CACNA1A: variants seen among roughly 807,000 people sequenced by gnomAD.
CACNA1A encodes calcium voltage-gated channel subunit alpha1 A.
Under a neutral mutation model 262.4 loss-of-function variants are expected in CACNA1A, and 57 were observed. That is an observed-to-expected ratio of 0.22 (90% CI 0.18 to 0.27). CACNA1A has a LOEUF of 0.27. Ranked by LOEUF, CACNA1A falls within the 10% of genes least tolerant of loss-of-function variation. The pLI is 1.00. For synonymous variants in CACNA1A, 1,431 were observed against 1,419.3 expected (o/e 1.01, Z -0.18); for missense variants, 2,526 against 3,562.8 (o/e 0.71, Z 7.41).
In CACNA1A at chr19:13,214,182, T is replaced by C; in HGVS notation, c.5940+51A>G. On this transcript the variant is annotated intron_variant, in intron 40 of 46. Transcript: ENST00000360228. The surrounding 1 kb of genome is among the most constrained non-coding windows in gnomAD (Gnocchi z 4.1). Reference sequence around the variant, plus strand: ...ATTCCAGTTGGTTCCCGTGGTGACATGCAAGCCACTGTCCCCAGCCCAGAT... The same window carrying C: ...ATTCCAGTTGGTTCCCGTGGTGACACGCAAGCCACTGTCCCCAGCCCAGAT... The C allele has an allele frequency of 6.9e-7, 1 of 1,455,730 alleles. No homozygotes were observed. Among genetic ancestry groups the C allele is most frequent in the Non-Finnish European group, 9.4e-7 (1 of 1,061,544 alleles). 90.2% of individuals were successfully genotyped at this position (1,455,730 alleles called of 1,614,324 possible).
chr19:13,482,223 C>T (rs1322649006), intron 1 of CACNA1A, among the ~76,000 whole-genome samples: 1 of 152,146 alleles, frequency 6.6e-6, no homozygotes, highest in Non-Finnish European at 1.5e-5. Context: ...CGGTGGCTCA[C>T]GTCTGTAATC....
chr19:13,461,491 C>T (rs547786677), intron 1 of CACNA1A, among the ~76,000 whole-genome samples: 7 of 152,314 alleles, frequency 4.6e-5, no homozygotes, highest in South Asian at 4.1e-4. Context: ...CACAATGAAA[C>T]CCCCTGAAAT....
intron 3 of CACNA1A, among the ~76,000 whole-genome samples, chr19:13,381,291 G>A (rs1228488873): frequency 2.6e-5 from 4 of 152,180 alleles, no homozygotes; most frequent in African/African-American, 7.2e-5. Context: ...CCAGCTACTC[G>A]GGAGGCTGTT....
chr19:13,229,936 A>C (rs183402044), intron 36 of CACNA1A, 146 bp downstream of exon 36: 2 of 887,636 alleles, frequency 2.3e-6, no homozygotes, highest in Admixed American at 5.8e-5. Context: ...GATGATTCTT[A>C]TATCTTCTCT....
chr19:13,303,715 T>C, intron 16 of CACNA1A, 52 bp downstream of exon 16: 1 of 1,557,672 alleles, frequency 6.4e-7, no homozygotes, highest in Admixed American at 1.7e-5. Flanking sequence ...CTGCAACCTC[T>C]CCTCTGCCAG....
chr19:13,334,312 A>C, intron 8 of CACNA1A, 66 bp downstream of exon 8: 1 of 900,446 alleles, frequency 1.1e-6, no homozygotes, highest in Non-Finnish European at 1.9e-6. Context: ...TCCAAACTGC[A>C]TGACTCTCTT....
intron 38 of CACNA1A, among the ~76,000 whole-genome samples, chr19:13,215,630 T>G (rs543410603): frequency 6.6e-6 from 1 of 151,540 alleles, no homozygotes; most frequent in African/African-American, 2.4e-5. Flanking sequence ...TGTTTTTTTT[T>G]TTTTTTTGAC....
intron 5 of CACNA1A, chr19:13,362,194 A>C (rs2059123424): frequency 6.6e-6 from 1 of 151,870 alleles, no homozygotes; most frequent in Non-Finnish European, 1.5e-5. Context: ...ACTCATGGCT[A>C]ATTTTTAAAT....
At chr19:13,302,298 T>C (rs1850695593) in intron 17 of CACNA1A, among the ~76,000 whole-genome samples, 1 of 152,222 alleles carries the variant, frequency 6.6e-6, no homozygotes. Flanking sequence ...TTATCTTGTT[T>C]CTTGTCTGTC....
chr19:13,209,288 C>T, intron 45 of CACNA1A, 24 bp downstream of exon 45: 1 of 1,436,064 alleles, frequency 7.0e-7, no homozygotes, highest in South Asian at 1.5e-5. Flanking sequence ...TCTGCTTGTC[C>T]CTGAGCACCA....
intron 5 of CACNA1A, 179 bp downstream of exon 5, chr19:13,365,138 C>G (rs141854024): frequency 1.0e-5 from 5 of 491,554 alleles, no homozygotes; most frequent in African/African-American, 7.7e-5. Flanking sequence ...TGGAACCCCA[C>G]CCCTTTCAAC....
intron 28 of CACNA1A, chr19:13,256,977 G>C (rs2056589464): frequency 5.9e-6 from 1 of 170,196 alleles, no homozygotes; most frequent in Admixed American, 5.9e-5. Context: ...TTTTTCATCT[G>C]GAGCATCTCA....
chr19:13,236,369 C>G lies in CACNA1A; in HGVS notation c.4951-639G>C. On this transcript the variant is annotated intron_variant, in intron 31 of 46. Transcript: ENST00000360228. The surrounding 1 kb of genome is among the most constrained non-coding windows in gnomAD (Gnocchi z 4.6). The stretch of plus-strand genomic sequence containing the variant: ...CTGCCGAGCTGCCCACCCGCTCCTG[C>G]CCGCCCTGACCTCACCCCACGGCCA... 6.5e-6 allele frequency: 1 copy of G among 153,662 alleles called. No homozygotes were observed. Among genetic ancestry groups the G allele is most frequent in the Non-Finnish European group, 1.5e-5 (1 of 68,698 alleles). The allele number at this position is 153,662 out of a possible 1,614,324, so 9.5% of individuals were successfully genotyped here.
intron 9 of CACNA1A, among the ~76,000 whole-genome samples, 187 bp downstream of exon 9, chr19:13,332,682 T>C (rs2058487000): frequency 6.6e-6 from 1 of 151,948 alleles, no homozygotes; most frequent in Non-Finnish European, 1.5e-5. Context: ...ACCAGGTCCA[T>C]GGTTAAAACA....
At chr19:13,353,596 T>C (rs929163612) in intron 6 of CACNA1A, among the ~76,000 whole-genome samples, 3 of 152,198 alleles carry the variant, frequency 2.0e-5, no homozygotes, top group Non-Finnish European at 4.4e-5. Flanking sequence ...TTGTTCTAAT[T>C]TTGTAAATAA....
intron 27 of CACNA1A, chr19:13,258,225 GC>G (rs1290608640): frequency 6.6e-6 from 1 of 152,230 alleles, no homozygotes; most frequent in Non-Finnish European, 1.5e-5. Flanking sequence ...CTTATAAGTG[GC>G]CAAGTTGGGA....
chr19:13,466,877 A>T lies in CACNA1A; in HGVS notation c.294-11665T>A, dbSNP rs889387819. On this transcript the variant is annotated intron_variant, in intron 1 of 46. Coordinates refer to ENST00000360228, the MANE Select transcript of CACNA1A (RefSeq NM_001127222.2). ...CCTTCCCTCTCTCTTTTAAATTTCC[A>T]TTATTTATTTATTTATTTATTTATT... 4.9e-5 allele frequency among the ~76,000 whole-genome samples: 7 copies of T among 142,586 alleles called. No homozygotes were observed. The South Asian group carries it at 1.4e-3, about 28-fold the overall frequency. 93.5% of individuals were successfully genotyped at this position (142,586 alleles called of 152,430 possible).
chr19:13,258,301 G>A (rs896258281), intron 27 of CACNA1A: 1 of 152,352 alleles, frequency 6.6e-6, no homozygotes, highest in Non-Finnish European at 1.5e-5. Flanking sequence ...GTGGGTATTT[G>A]AGCACAGGTG....
intron 3 of CACNA1A, among the ~76,000 whole-genome samples, chr19:13,421,100 T>A (rs2060309045): frequency 6.6e-6 from 1 of 152,060 alleles, no homozygotes; most frequent in Non-Finnish European, 1.5e-5. Context: ...ACCAGTTAAG[T>A]TTTGATTGTG....
Sources: gnomAD v4.1 joint callset for allele counts (sites outside exome capture counted in the v4.1 genomes callset) on GRCh38, gnomAD v4.1.1 for gene constraint, Gnocchi (gnomAD v3.1) non-coding constraint, MANE v1.5 for transcripts, NCBI Gene and HGNC (gene_info 2026-07-23, HGNC 2026-07-21) for gene names.